SDCBP: variants seen among roughly 807,000 people sequenced by gnomAD.
The protein encoded by SDCBP is syntenin-1.
SDCBP carries 22 observed loss-of-function variants against 30.5 expected under a neutral mutation model. That is an observed-to-expected ratio of 0.72 (90% CI 0.52 to 1.03). The LOEUF is 1.03. Ranked by LOEUF, SDCBP falls within the 50% of genes least tolerant of loss-of-function variation. SDCBP has a pLI of 0.00. For synonymous variants in SDCBP, 103 were observed against 118.7 expected, an observed-to-expected ratio of 0.87 and a Z score of 0.86; for missense variants, 304 against 369.9, an observed-to-expected ratio of 0.82 and a Z score of 1.46.
intron 1 of SDCBP, among the ~76,000 whole-genome samples, chr8:58,558,649 A>G (rs1440143768): frequency 6.6e-6 from 1 of 152,202 alleles, no homozygotes. Flanking sequence ...CCTGCCTTCA[A>G]GTAGTGGAGA....
At chr8:58,575,834 A>C (rs1805280651) in intron 4 of SDCBP, 66 bp from the exon 5 acceptor site, 2 of 1,373,346 alleles carry the variant, frequency 1.5e-6, no homozygotes, top group Non-Finnish European at 2.0e-6. Flanking sequence ...AGTTCCAGTT[A>C]ATTATCATTG....
In SDCBP at chr8:58,570,911, C is replaced by T; in HGVS notation, c.76C>T (p.Pro26Ser). Residue 26 changes from proline (P) to serine (S), a missense_variant, in exon 3 of 9, where the codon CCT becomes TCT. By Grantham distance (74) the Pro-to-Ser change is moderately conservative. Transcript: ENST00000260130. ...IQAQTAFSAN[P>S]ANPAILSEAS... ...GGCTCAAACTGCTTTTTCTGCAAACCCTGCCAATCCAGCAATTTTGTCAGA... is the reference window on the plus strand; with the variant it reads ...GGCTCAAACTGCTTTTTCTGCAAACTCTGCCAATCCAGCAATTTTGTCAGA... 6.2e-7 allele frequency: 1 copy of T among 1,612,976 alleles called. No homozygotes were observed. The highest frequency in any genetic ancestry group is 8.5e-7 in the Non-Finnish European group (1 of 1,179,344).
Position 58,570,915 on chromosome 8 carries a change from C to A in SDCBP, c.80C>A (p.Ala27Asp), listed in dbSNP as rs1804976804. 4 of 1,613,176 alleles carry A rather than the reference C, an allele frequency of 2.5e-6. No individual in the cohort carries two copies. The highest frequency in any genetic ancestry group is 2.2e-5 in the South Asian group (2 of 91,032). The change falls in exon 3 of 9, where the codon GCC (alanine) becomes GAC (aspartate). Residue 27 changes from alanine to aspartate, a missense_variant. Ala to Asp is a moderately radical substitution (Grantham distance 126). Transcript: ENST00000260130. The stretch of plus-strand genomic sequence containing the variant: ...CAAACTGCTTTTTCTGCAAACCCTG[C>A]CAATCCAGCAATTTTGTCAGAAGCT... ...QAQTAFSANP[A>D]NPAILSEASA...
intron 2 of SDCBP, among the ~76,000 whole-genome samples, chr8:58,568,168 T>C (rs1482108716): frequency 2.0e-5 from 3 of 152,200 alleles, no homozygotes; most frequent in Non-Finnish European, 4.4e-5. Context: ...AACACAAACA[T>C]TGTACAGCTG....
At position 58,563,460 on chromosome 8, in the gene SDCBP, G is replaced by C. The variant is rs1804542067; in HGVS notation, c.-15-1559G>C. ...GCATGAGTTTTCTTTTGGGGAGGAT[G>C]GAAATATTCAAAGATAGGTAGTGGA... On this transcript the variant is annotated intron_variant, in intron 1 of 8. Transcript: ENST00000260130. Among the ~76,000 whole-genome samples the C allele has an allele frequency of 2.0e-5, 3 of 152,052 alleles. No individual in the cohort carries two copies. The South Asian group carries it at 6.2e-4, about 32-fold the overall frequency.
rs1224533279 is a variant in SDCBP, at chr8:58,578,019, T to C, written c.403-14T>C. On this transcript the variant is annotated splice_polypyrimidine_tract_variant and intron_variant, in intron 5 of 8. Transcript: ENST00000260130. ...GTAGTGGTAAATGACAAAAATTATT[T>C]TCTTATTATCTAGGGTATATTTGTT... is the stretch of plus-strand genomic sequence containing the variant. 1 of 1,603,514 alleles carries C rather than the reference T, an allele frequency of 6.2e-7. No individual in the cohort carries two copies. The highest frequency in any genetic ancestry group is 8.5e-7 in the Non-Finnish European group (1 of 1,171,444).
chr8:58,555,593 A>G (rs1359832374), intron 1 of SDCBP, among the ~76,000 whole-genome samples: 1 of 152,170 alleles, frequency 6.6e-6, no homozygotes, highest in Non-Finnish European at 1.5e-5. Flanking sequence ...TAATAACTAG[A>G]GCCTCGGGTA....
Position 58,581,796 on chromosome 8 carries a change from C to A in SDCBP, c.*56C>A. Reference sequence around the variant, plus strand: ...CGTCTCCAGTTTCCTTCTTTGGCAACTTCTGTATTATGCACGTGAAGCCTT... The same window carrying A: ...CGTCTCCAGTTTCCTTCTTTGGCAAATTCTGTATTATGCACGTGAAGCCTT... On this transcript the variant is annotated 3_prime_UTR_variant, in exon 9 of 9. Transcript: ENST00000260130. The A allele has an allele frequency of 1.4e-6, 2 of 1,475,246 alleles. No homozygotes were observed. Among genetic ancestry groups the A allele is most frequent in the Non-Finnish European group, 1.9e-6 (2 of 1,055,388 alleles). 91.4% of individuals were successfully genotyped at this position (1,475,246 alleles called of 1,614,324 possible). A position where few individuals can be genotyped will look rare whatever the true frequency, so the allele number is the denominator to read the frequency against.
rs1358556495 is a variant in SDCBP at position 58,580,511 on chromosome 8, T to C, written c.751-6T>C. ...GGAATTAATTTTTAATATGTGTTTTTATCAGGACTCTCAAATTGCAGACAT... is the reference window on the plus strand; with the variant it reads ...GGAATTAATTTTTAATATGTGTTTTCATCAGGACTCTCAAATTGCAGACAT... On this transcript the variant is annotated splice_polypyrimidine_tract_variant and splice_region_variant and intron_variant, in intron 7 of 8. Transcript: ENST00000260130. 7 of 1,460,406 alleles carry C rather than the reference T, an allele frequency of 4.8e-6. No individual in the cohort carries two copies. In the African/African-American group the frequency reaches 8.4e-5, roughly 17 times the overall value. 90.5% of individuals were successfully genotyped at this position (1,460,406 alleles called of 1,614,324 possible). A position where few individuals can be genotyped will look rare whatever the true frequency, so the allele number is the denominator to read the frequency against.
At chr8:58,573,148 C>T (rs752456952) in intron 4 of SDCBP, among the ~76,000 whole-genome samples, 35 of 152,024 alleles carry the variant, frequency 2.3e-4, no homozygotes, top group Non-Finnish European at 3.5e-4. Context: ...AAATTCAAAG[C>T]TCCATGTAAT....
Position 58,578,204 on chromosome 8 carries a change from G to T in SDCBP, c.574G>T (p.Asp192Tyr). 6.4e-7 allele frequency: 1 copy of T among 1,551,138 alleles called. No individual in the cohort carries two copies. Among genetic ancestry groups the T allele is most frequent in the South Asian group, 1.2e-5 (1 of 82,178 alleles). The change falls in exon 6 of 9, where the codon GAC becomes TAC. Residue 192 changes from aspartate to tyrosine, a missense_variant. Asp to Tyr is a radical substitution (Grantham distance 160). Coordinates refer to ENST00000260130, the MANE Select transcript of SDCBP (RefSeq NM_005625.4). ...AGAGAAGATTACCATGACCATTCGTGACAGGTAAGCTGTTACTAAACAGCT... is the reference window on the plus strand; with the variant it reads ...AGAGAAGATTACCATGACCATTCGTTACAGGTAAGCTGTTACTAAACAGCT... ...FGEKITMTIR[D>Y]RPFERTITMH...
Position 58,579,697 on chromosome 8 carries a change from T to C in SDCBP, c.653T>C (p.Ile218Thr). The stretch of plus-strand genomic sequence containing the variant: ...GGTTTTATCTTTAAAAATGGAAAAA[T>C]AACATCCATAGTGAAAGATAGCTCT... ...HVGFIFKNGK[I>T]TSIVKDSSAA... The change falls in exon 7 of 9, where the codon ATA (isoleucine) becomes ACA (threonine). Residue 218 changes from isoleucine to threonine, a missense_variant. Ile to Thr is a moderately conservative substitution (Grantham distance 89). Transcript: ENST00000260130. The C allele has an allele frequency of 1.2e-6, 2 of 1,611,980 alleles. No homozygotes were observed. The highest frequency in any genetic ancestry group is 2.2e-5 in the South Asian group (2 of 90,838).
intron 2 of SDCBP, among the ~76,000 whole-genome samples, chr8:58,568,672 G>A (rs1392018585): frequency 6.6e-6 from 1 of 152,148 alleles, no homozygotes; most frequent in Non-Finnish European, 1.5e-5. Flanking sequence ...TGTGACGGCA[G>A]CTATGATGTC....
chr8:58,566,585 AG>A (rs943598332), intron 2 of SDCBP, among the ~76,000 whole-genome samples: 3 of 152,222 alleles, frequency 2.0e-5, no homozygotes, highest in Non-Finnish European at 2.9e-5. Context: ...ACAGTGAATA[AG>A]GAGTGGGAAA....
chr8:58,563,585 A>G (rs1168986730), intron 1 of SDCBP, among the ~76,000 whole-genome samples: 1 of 151,998 alleles, frequency 6.6e-6, no homozygotes, highest in African/African-American at 2.4e-5. Flanking sequence ...AAAAAAAACT[A>G]TCTCATACTG....
At chr8:58,559,863 G>T (rs974738810) in intron 1 of SDCBP, among the ~76,000 whole-genome samples, 2 of 152,164 alleles carry the variant, frequency 1.3e-5, no homozygotes, top group Admixed American at 1.3e-4. Context: ...CATCCTACTT[G>T]CTCACCATAG....
chr8:58,579,816 A>G, intron 7 of SDCBP, 22 bp downstream of exon 7: 1 of 1,552,156 alleles, frequency 6.4e-7, no homozygotes, highest in Non-Finnish European at 8.7e-7. Flanking sequence ...ACTTTGTGCC[A>G]TGTTCTGCTG....
chr8:58,570,109 A>T (rs1804933277), intron 2 of SDCBP, among the ~76,000 whole-genome samples: 1 of 152,190 alleles, frequency 6.6e-6, no homozygotes. Flanking sequence ...GTCTCTAATG[A>T]CATATAGCTA....
intron 5 of SDCBP, among the ~76,000 whole-genome samples, chr8:58,577,218 C>T (rs1188278905): frequency 6.6e-6 from 1 of 152,220 alleles, no homozygotes; most frequent in African/African-American, 2.4e-5. Context: ...TCTTGCTTAT[C>T]ATTCTACAAT....
Sources: gnomAD v4.1 joint callset for allele counts (sites outside exome capture counted in the v4.1 genomes callset) on GRCh38, gnomAD v4.1.1 for gene constraint, MANE v1.5 for transcripts, NCBI Gene and HGNC (gene_info 2026-07-23, HGNC 2026-07-21) for gene names.